Variants in AP3D1 observed in about 807,000 individuals in gnomAD.
The protein encoded by AP3D1 is adaptor related protein complex 3 subunit delta 1.
A neutral mutation model predicts 147.6 loss-of-function variants in AP3D1; 51 were observed. That is an observed-to-expected ratio of 0.35 (90% CI 0.28 to 0.44). The LOEUF is 0.44. Among genes scored for constraint, AP3D1 ranks in the 20% least tolerant of loss-of-function variants. The pLI, the probability that AP3D1 is intolerant of heterozygous loss-of-function variation, is 1.00. For synonymous variants in AP3D1, 760 were observed against 663.0 expected (o/e 1.15, Z -2.25); for missense variants, 1,421 against 1,624.2 (o/e 0.87, Z 2.15).
intron 1 of AP3D1, among the ~76,000 whole-genome samples, chr19:2,163,323 C>A (rs2019771898): frequency 6.6e-6 from 1 of 151,984 alleles, no homozygotes; most frequent in Non-Finnish European, 1.5e-5. Flanking sequence ...ATCTTCCCGC[C>A]TCGGCCTCAC....
intron 31 of AP3D1, among the ~76,000 whole-genome samples, chr19:2,102,798 T>C (rs1243120305): frequency 6.6e-6 from 1 of 150,586 alleles, no homozygotes; most frequent in East Asian, 2.0e-4. Context: ...AAATAAAAAA[T>C]GTGCCGGGCA....
At chr19:2,108,897 CCT>C in intron 30 of AP3D1, 131 bp from the exon 31 acceptor site, 3 of 1,313,984 alleles carry the variant, frequency 2.3e-6, no homozygotes, top group South Asian at 1.4e-5. Context: ...AGGGTGTGGC[CCT>C]GAGAGGCCTG....
chr19:2,102,747 A>C (rs2017992467), intron 31 of AP3D1, among the ~76,000 whole-genome samples: 2 of 137,342 alleles, frequency 1.5e-5, no homozygotes, highest in Admixed American at 1.5e-4. Context: ...AAATAAATAA[A>C]TAAATAAATA....
chr19:2,138,360 C>T (rs1292029288), intron 2 of AP3D1, among the ~76,000 whole-genome samples: 1 of 152,236 alleles, frequency 6.6e-6, no homozygotes, highest in Admixed American at 6.5e-5. Context: ...CCCAGTGAAT[C>T]CCACCCAGAA....
At chr19:2,112,138 G>A (rs1229404192) in intron 24 of AP3D1, 1 of 435,402 alleles carries the variant, frequency 2.3e-6, no homozygotes, top group Non-Finnish European at 4.2e-6. Flanking sequence ...CCACGCCCAT[G>A]TGCACATCCG....
At chr19:2,114,417 G>T in intron 21 of AP3D1, 115 bp from the exon 22 acceptor site, 1 of 891,116 alleles carries the variant, frequency 1.1e-6, no homozygotes, top group Non-Finnish European at 1.7e-6. Flanking sequence ...CCAGCCCCTG[G>T]CCCCAGCCAT....
rs1389244471 is a variant in AP3D1, at chr19:2,137,707, T to C, written c.273+20A>G. The C allele has an allele frequency of 6.2e-7, 1 of 1,611,834 alleles. No individual in the cohort carries two copies. On this transcript the variant is annotated intron_variant, in intron 3 of 31. Coordinates refer to ENST00000643116, the MANE Select transcript of AP3D1 (RefSeq NM_001261826.3). ...GTAATCACTCCCCACCCCACCAGCCTTGCCGTCCCAGAACCTCACCTTGAA... is the reference window on the plus strand; with the variant it reads ...GTAATCACTCCCCACCCCACCAGCCCTGCCGTCCCAGAACCTCACCTTGAA...
At position 2,129,252 on chromosome 19, in the gene AP3D1, G is replaced by C. The variant is rs2018864968; in HGVS notation, c.732+66C>G. Reference sequence around the variant, plus strand: ...GGGGCCTCGGTCACCCGCAGGGAATGCCCCACACAGGGTGAGGGAATGCCC... The same window carrying C: ...GGGGCCTCGGTCACCCGCAGGGAATCCCCCACACAGGGTGAGGGAATGCCC... On this transcript the variant is annotated intron_variant, in intron 7 of 31. Transcript: ENST00000643116. 6.9e-6 allele frequency: 11 copies of C among 1,596,690 alleles called. No homozygotes were observed. The South Asian group carries it at 1.2e-4, about 18-fold the overall frequency.
intron 12 of AP3D1, 131 bp downstream of exon 12, chr19:2,121,603 C>G: frequency 2.3e-6 from 3 of 1,320,244 alleles, no homozygotes; most frequent in Non-Finnish European, 3.0e-6. Context: ...CCCCTCTGCC[C>G]TGCCCCACCA....
chr19:2,104,357 C>T lies in AP3D1; in HGVS notation c.3553-2089G>A, dbSNP rs112101715. ...CAATGCCGAGACCGCAACACTGAGA[C>T]GCCAACACCCAGACCCCAACGCCAA... On this transcript the variant is annotated intron_variant, in intron 31 of 31. Coordinates refer to ENST00000643116, the MANE Select transcript of AP3D1 (RefSeq NM_001261826.3). Among the ~76,000 whole-genome samples the T allele has an allele frequency of 4.3e-4, 50 of 115,574 alleles. No individual in the cohort carries two copies. The Middle Eastern group carries it at 0.019, about 43-fold the overall frequency. The allele number at this position is 115,574 out of a possible 152,430, so 75.8% of individuals were successfully genotyped here.
In AP3D1 at chr19:2,114,227, G is replaced by T; in HGVS notation, c.2499C>A (p.Asp833Glu). ...NTETSKSPEK[D>E]VPMVEKKSKK... The stretch of plus-strand genomic sequence containing the variant: ...TGCTCTTCTTTTCTACCATGGGAAC[G>T]TCCTTCTCAGGGGATTTTGAGGTCT... Residue 833 changes from aspartate (D) to glutamate (E), a missense_variant, in exon 22 of 32, where the codon GAC becomes GAA. Physicochemically the swap from Asp to Glu is conservative, Grantham distance 45 (BLOSUM62 2). Around this residue, in one of 6 missense-constraint regions of AP3D1, gnomAD observed 791 missense variants for 761.4 expected, o/e 1.04. Coordinates refer to ENST00000643116, the MANE Select transcript of AP3D1 (RefSeq NM_001261826.3). 2 of 1,612,784 alleles carry T rather than the reference G, an allele frequency of 1.2e-6. No homozygotes were observed. Among genetic ancestry groups the T allele is most frequent in the Non-Finnish European group, 1.7e-6 (2 of 1,179,638 alleles).
chr19:2,112,752 G>C (rs1316667343), intron 24 of AP3D1, 108 bp downstream of exon 24: 1 of 793,030 alleles, frequency 1.3e-6, no homozygotes, highest in African/African-American at 1.8e-5. Flanking sequence ...ACAAATGCGA[G>C]AGCAGGGCTG....
At position 2,114,604 on chromosome 19, in the gene AP3D1, G is replaced by C; in HGVS notation, c.2423+144C>G. ...GGGCCAGCCAAGAGCAGTGCAGTGA[G>C]GACGTGGTCTGGGGAAGGCCCGCCC... On this transcript the variant is annotated intron_variant, in intron 21 of 31. Transcript: ENST00000643116. The C allele has an allele frequency of 9.6e-6, 7 of 725,766 alleles. No homozygotes were observed. The South Asian group carries it at 1.2e-4, about 12-fold the overall frequency. 45.0% of individuals were successfully genotyped at this position (725,766 alleles called of 1,614,324 possible).
intron 31 of AP3D1, among the ~76,000 whole-genome samples, chr19:2,103,304 A>G (rs1205898829): frequency 6.6e-6 from 1 of 151,992 alleles, no homozygotes; most frequent in African/African-American, 2.4e-5. Context: ...GCCTACATAG[A>G]AGTGGGAGCC....
chr19:2,114,183 T>C lies in AP3D1; in HGVS notation c.2543A>G (p.Glu848Gly), dbSNP rs777832217. 46 of 1,601,548 alleles carry C rather than the reference T, an allele frequency of 2.9e-5. No homozygotes were observed. In the South Asian group the frequency reaches 5.0e-4, roughly 18 times the overall value. The change falls in exon 22 of 32, where the codon GAG (glutamate) becomes GGG (glycine). Residue 848 changes from glutamate to glycine, a missense_variant. Around this residue, in one of 6 missense-constraint regions of AP3D1, gnomAD observed 791 missense variants for 761.4 expected, o/e 1.04. Coordinates refer to ENST00000643116, the MANE Select transcript of AP3D1 (RefSeq NM_001261826.3). ...TCTCTCTTTCTCTTTGTGTTTTTTC[T>C]CTTTCTTCTTGGGTTTCTTGCTCTT... ...EKKSKKPKKK[E>G]KKHKEKERDK...
chr19:2,102,098 G>T lies in AP3D1; in HGVS notation c.*75C>A. ...CTTGGGTACAGTACACACGACTGAG[G>T]AGAGGCGAGACACGTCAGGGCTGCG... On this transcript the variant is annotated 3_prime_UTR_variant, in exon 32 of 32. Coordinates refer to ENST00000643116, the MANE Select transcript of AP3D1 (RefSeq NM_001261826.3). The T allele has an allele frequency of 8.5e-7, 1 of 1,180,672 alleles. No homozygotes were observed. The highest frequency in any genetic ancestry group is 1.3e-6 in the Non-Finnish European group (1 of 796,244). The allele number at this position is 1,180,672 out of a possible 1,614,324, so 73.1% of individuals were successfully genotyped here.
At chr19:2,114,848 C>A in intron 20 of AP3D1, 27 bp from the exon 21 acceptor site, 1 of 1,612,752 alleles carries the variant, frequency 6.2e-7, no homozygotes, top group Non-Finnish European at 8.5e-7. Flanking sequence ...AACCCCATCA[C>A]TGGAACCCGC....
At position 2,101,413 on chromosome 19, in the gene AP3D1, T is replaced by TG. The variant is rs2017948464; in HGVS notation, c.*759dup. On this transcript the variant is annotated 3_prime_UTR_variant, in exon 32 of 32. Transcript: ENST00000643116. Reference sequence around the variant, plus strand: ...CTTCCTAAGGGTGCTGGGAAGGATGTGGGGAAACCTTGGTGCGCATAGTGG... The same window carrying TG: ...CTTCCTAAGGGTGCTGGGAAGGATGTGGGGGAAACCTTGGTGCGCATAGTGG... 1 of 151,942 alleles carries TG rather than the reference T, an allele frequency of 6.6e-6. No homozygotes were observed. Among genetic ancestry groups the TG allele is most frequent in the South Asian group, 2.1e-4 (1 of 4,832 alleles). The allele number at this position is 151,942 out of a possible 1,614,324, so 9.4% of individuals were successfully genotyped here.
intron 24 of AP3D1, 59 bp downstream of exon 24, chr19:2,112,801 C>T (rs1179487027): frequency 3.6e-6 from 5 of 1,403,380 alleles, no homozygotes; most frequent in East Asian, 4.8e-5. Context: ...TCCGGCCCCA[C>T]GTTGGGGTGC....
Sources: allele counts gnomAD v4.1 joint callset (sites outside exome capture counted in the v4.1 genomes callset), GRCh38; gene constraint gnomAD v4.1.1; regional missense constraint gnomAD v4.1.1; transcripts MANE v1.5; gene names NCBI Gene and HGNC (gene_info 2026-07-23, HGNC 2026-07-21).